MAF: variants seen among roughly 807,000 people sequenced by gnomAD.
MAF encodes transcription factor Maf.
Under a neutral mutation model 22.0 loss-of-function variants are expected in MAF, and 10 were observed. That is an observed-to-expected ratio of 0.45 (90% CI 0.28 to 0.77). MAF has a LOEUF of 0.77. Among genes scored for constraint, MAF ranks in the 30% least tolerant of loss-of-function variants. The probability of loss-of-function intolerance (pLI) is 0.12; values close to 1 mark genes in which losing one functional copy is unlikely to be tolerated. For missense variants in MAF, 544 were observed against 548.4 expected (o/e 0.99, Z 0.08); for synonymous variants, 337 against 255.8 (o/e 1.32, Z -3.03).
the MAF span, among the ~76,000 whole-genome samples, chr16:79,553,128 G>C: frequency 6.6e-6 from 1 of 152,244 alleles, no homozygotes; most frequent in South Asian, 2.1e-4. Context: ...GTGAAGAAGA[G>C]AATGTGCCCG....
the MAF span, among the ~76,000 whole-genome samples, chr16:79,480,606 A>G: frequency 6.6e-6 from 1 of 152,086 alleles, no homozygotes; most frequent in Admixed American, 6.6e-5. Flanking sequence ...ATCAGTTCTC[A>G]CTATGGAGGG....
the MAF span, among the ~76,000 whole-genome samples, chr16:79,524,079 G>A: frequency 1.3e-5 from 2 of 152,152 alleles, no homozygotes; most frequent in Non-Finnish European, 1.5e-5. Flanking sequence ...CAGGCCCTGG[G>A]GGATTTGAGG....
the MAF span, among the ~76,000 whole-genome samples, chr16:79,304,562 T>G: frequency 0.014 from 2,164 of 152,238 alleles, 32 homozygotes; most frequent in Non-Finnish European, 0.025. Context: ...TTCCATAAGT[T>G]GGAGACAAAA....
At chr16:79,278,515 TTC>T in the MAF span, among the ~76,000 whole-genome samples, 1 of 152,316 alleles carries the variant, frequency 6.6e-6, no homozygotes, top group East Asian at 1.9e-4. Context: ...AAGAACCATT[TTC>T]TCTCTTGTGT....
chr16:79,396,557 T>C, the MAF span, among the ~76,000 whole-genome samples: 1 of 152,236 alleles, frequency 6.6e-6, no homozygotes, highest in Non-Finnish European at 1.5e-5. Flanking sequence ...TTCTAGAATG[T>C]TCTGATTCAA....
At chr16:79,484,465 G>A in the MAF span, among the ~76,000 whole-genome samples, 1 of 152,184 alleles carries the variant, frequency 6.6e-6, no homozygotes, top group Non-Finnish European at 1.5e-5. Context: ...CGTCCACCGG[G>A]CAATCACAGG....
chr16:79,472,991 T>C, the MAF span, among the ~76,000 whole-genome samples: 1 of 152,010 alleles, frequency 6.6e-6, no homozygotes, highest in African/African-American at 2.4e-5. Context: ...CCTATGGAGC[T>C]TACATTCTGG....
At chr16:79,400,639 C>T in the MAF span, among the ~76,000 whole-genome samples, 1 of 152,216 alleles carries the variant, frequency 6.6e-6, no homozygotes, top group Non-Finnish European at 1.5e-5. Context: ...TGTGATCAAG[C>T]ATCTCCTGAT....
chr16:79,246,675 G>C, the MAF span, among the ~76,000 whole-genome samples: 3 of 152,144 alleles, frequency 2.0e-5, no homozygotes, highest in Non-Finnish European at 4.4e-5. Flanking sequence ...TTTTTAAGTG[G>C]CTTTCAGTAG....
chr16:79,278,058 G>C, the MAF span, among the ~76,000 whole-genome samples: 1 of 152,180 alleles, frequency 6.6e-6, no homozygotes, highest in Admixed American at 6.5e-5. Context: ...GCCTGCGATT[G>C]CAAACATTAT....
the MAF span, among the ~76,000 whole-genome samples, chr16:79,576,465 A>G: frequency 1.3e-5 from 2 of 152,012 alleles, no homozygotes; most frequent in African/African-American, 4.8e-5. Context: ...TAAATGTTTA[A>G]CTTTCTCTGA....
chr16:79,367,464 T>C, the MAF span, among the ~76,000 whole-genome samples: 2 of 152,216 alleles, frequency 1.3e-5, no homozygotes, highest in Non-Finnish European at 2.9e-5. Context: ...CACTGGGGTC[T>C]AGGCTTTGAA....
the MAF span, among the ~76,000 whole-genome samples, chr16:79,542,187 C>G: frequency 6.6e-6 from 1 of 152,266 alleles, no homozygotes; most frequent in African/African-American, 2.4e-5. Context: ...TCCTGTGCAG[C>G]TGAAGAGGGG....
the MAF span, among the ~76,000 whole-genome samples, chr16:79,366,364 T>C: frequency 2.0e-5 from 3 of 152,218 alleles, no homozygotes; most frequent in Non-Finnish European, 2.9e-5. Context: ...GTAGGTGAGA[T>C]TGCCTATGTT....
the MAF span, among the ~76,000 whole-genome samples, chr16:79,330,502 G>A: frequency 2.6e-5 from 4 of 152,184 alleles, no homozygotes; most frequent in African/African-American, 9.7e-5. Flanking sequence ...GATCATGGCT[G>A]GTAGCCTGAA....
At chr16:79,382,331 T>G in the MAF span, among the ~76,000 whole-genome samples, 1 of 152,178 alleles carries the variant, frequency 6.6e-6, no homozygotes, top group South Asian at 2.1e-4. Context: ...ACCGATTTAA[T>G]GGAGAATGCA....
At chr16:79,219,200 C>G in the MAF span, among the ~76,000 whole-genome samples, 1 of 152,180 alleles carries the variant, frequency 6.6e-6, no homozygotes, top group Non-Finnish European at 1.5e-5. Context: ...TCTGTGTCTT[C>G]TTCCGGCTTT....
At chr16:79,402,633 G>A in the MAF span, among the ~76,000 whole-genome samples, 2 of 152,252 alleles carry the variant, frequency 1.3e-5, no homozygotes, top group East Asian at 3.8e-4. Context: ...AGCTCCAGGG[G>A]AAAGGTTGGA....
At chr16:79,372,948 C>A in the MAF span, among the ~76,000 whole-genome samples, 2 of 152,216 alleles carry the variant, frequency 1.3e-5, no homozygotes, top group Non-Finnish European at 2.9e-5. Context: ...TTTGTTATCT[C>A]CTACTCATCA....
Sources: gnomAD v4.1 joint callset for allele counts (sites outside exome capture counted in the v4.1 genomes callset) on GRCh38, gnomAD v4.1.1 for gene constraint, MANE v1.5 for transcripts, NCBI Gene and HGNC (gene_info 2026-07-23, HGNC 2026-07-21) for gene names.